LRP1B: variants seen among roughly 807,000 people sequenced by gnomAD.
LRP1B encodes LDL receptor related protein 1B, also known as low-density lipoprotein receptor-related protein 1B.
Under a neutral mutation model 556.6 loss-of-function variants are expected in LRP1B, and 217 were observed. That is an observed-to-expected ratio of 0.39 (90% CI 0.35 to 0.44). The LOEUF (loss-of-function observed/expected upper bound fraction) is 0.44, where lower values mean the gene tolerates loss of function less well. Among genes scored for constraint, LRP1B ranks in the 20% least tolerant of loss-of-function variants. The pLI is 1.00. For missense variants in LRP1B, 5,053 were observed against 5,620.8 expected, an observed-to-expected ratio of 0.90 and a Z score of 3.23; for synonymous variants, 2,047 against 1,865.8, an observed-to-expected ratio of 1.10 and a Z score of -2.50.
chr2:141,360,600 AC>A (rs1449659460), intron 3 of LRP1B, among the ~76,000 whole-genome samples: 1 of 152,194 alleles, frequency 6.6e-6, no homozygotes, highest in East Asian at 1.9e-4. Flanking sequence ...AGGTGGTGTA[AC>A]TGAACCACTG....
At chr2:141,923,090 C>T (rs1438547716) in intron 1 of LRP1B, among the ~76,000 whole-genome samples, 2 of 151,944 alleles carry the variant, frequency 1.3e-5, no homozygotes, top group African/African-American at 4.8e-5. Flanking sequence ...CAGAGTGAGA[C>T]ACTGTCTCAA....
chr2:142,010,494 G>A (rs1702924107), intron 1 of LRP1B, among the ~76,000 whole-genome samples: 1 of 141,068 alleles, frequency 7.1e-6, no homozygotes, highest in Non-Finnish European at 1.5e-5. Flanking sequence ...GGCGGAGCTT[G>A]CAGTGAGCCG....
At chr2:140,457,240 G>A (rs1042518221) in intron 61 of LRP1B, among the ~76,000 whole-genome samples, 1 of 152,114 alleles carries the variant, frequency 6.6e-6, no homozygotes, top group African/African-American at 2.4e-5. Context: ...CTTAATATGA[G>A]TTGAACAAAT....
intron 3 of LRP1B, among the ~76,000 whole-genome samples, chr2:141,257,586 A>G (rs78196581): frequency 0.015 from 2,294 of 152,282 alleles, 40 homozygotes; most frequent in African/African-American, 0.044. Flanking sequence ...GACCTCAAAC[A>G]TGGTTCTGAG....
At chr2:140,859,799 C>G (rs1692734392) in intron 27 of LRP1B, among the ~76,000 whole-genome samples, 1 of 151,928 alleles carries the variant, frequency 6.6e-6, no homozygotes, top group South Asian at 2.1e-4. Flanking sequence ...TCGAGACCAT[C>G]CTGGCTAACA....
At chr2:141,033,400 A>T (rs1310621370) in intron 11 of LRP1B, among the ~76,000 whole-genome samples, 2 of 152,040 alleles carry the variant, frequency 1.3e-5, no homozygotes, top group Non-Finnish European at 2.9e-5. Context: ...TTTAAAATTT[A>T]AAAAACTACT....
chr2:141,192,375 T>G (rs1043090876), intron 6 of LRP1B, among the ~76,000 whole-genome samples: 1 of 151,922 alleles, frequency 6.6e-6, no homozygotes, highest in African/African-American at 2.4e-5. Flanking sequence ...GAAAATGATT[T>G]GAACATTTTT....
intron 21 of LRP1B, among the ~76,000 whole-genome samples, chr2:140,920,421 G>A (rs1471263768): frequency 6.6e-6 from 1 of 151,922 alleles, no homozygotes; most frequent in Non-Finnish European, 1.5e-5. Context: ...AAATTAATTA[G>A]CCTGAAACTT....
intron 35 of LRP1B, among the ~76,000 whole-genome samples, chr2:140,760,468 A>G (rs886474527): frequency 6.6e-6 from 1 of 152,190 alleles, no homozygotes; most frequent in Non-Finnish European, 1.5e-5. Flanking sequence ...ACTAAGTCAA[A>G]TTATCAGTAC....
Position 141,846,169 on chromosome 2 carries a change from A to C in LRP1B, c.83-35768T>G, listed in dbSNP as rs1158575460. ...GACAGATTTCTGCAAACAAGGAAAA[A>C]AGATGAGTAGACTAAAAAATACAGA... is the stretch of plus-strand genomic sequence containing the variant. On this transcript the variant is annotated intron_variant, in intron 1 of 90. Coordinates refer to ENST00000389484, the MANE Select transcript of LRP1B (RefSeq NM_018557.3). Among the ~76,000 whole-genome samples the C allele has an allele frequency of 4.6e-5, 7 of 151,914 alleles. 1 individual carries two copies. The highest frequency in any genetic ancestry group is 1.7e-4 in the African/African-American group (7 of 41,530).
rs190437559 is a variant in LRP1B, at chr2:140,774,642, A to G, written c.5500+1456T>C. The stretch of plus-strand genomic sequence containing the variant: ...TCATATGTATGCGTTATTCACTGAG[A>G]TTTACAATAGTACTGTGAGTTTTTA... On this transcript the variant is annotated intron_variant, in intron 33 of 90. Coordinates refer to ENST00000389484, the MANE Select transcript of LRP1B (RefSeq NM_018557.3). Among the ~76,000 whole-genome samples the G allele has an allele frequency of 2.8e-3, 423 of 152,148 alleles. 11 individuals carry two copies. The highest frequency in any genetic ancestry group is 0.026 in the Admixed American group (402 of 15,286).
At chr2:140,596,630 A>C (rs1682452726) in intron 43 of LRP1B, among the ~76,000 whole-genome samples, 1 of 152,192 alleles carries the variant, frequency 6.6e-6, no homozygotes, top group Admixed American at 6.5e-5. Context: ...TGCTAATTGC[A>C]AGGCATGAGG....
intron 10 of LRP1B, among the ~76,000 whole-genome samples, chr2:141,050,225 T>G (rs1230911052): frequency 6.6e-6 from 1 of 151,920 alleles, no homozygotes; most frequent in Non-Finnish European, 1.5e-5. Flanking sequence ...TAAGCAATTA[T>G]TTATAAACCT....
intron 2 of LRP1B, among the ~76,000 whole-genome samples, chr2:141,785,236 T>C (rs562959608): frequency 6.6e-6 from 1 of 152,030 alleles, no homozygotes; most frequent in African/African-American, 2.4e-5. Context: ...GATGGCAATA[T>C]CATGAAACAG....
At chr2:140,768,510 G>A (rs547925938) in intron 35 of LRP1B, among the ~76,000 whole-genome samples, 2 of 152,032 alleles carry the variant, frequency 1.3e-5, no homozygotes, top group South Asian at 2.1e-4. Context: ...AAATCTAAAT[G>A]TTAATGTGAA....
intron 1 of LRP1B, among the ~76,000 whole-genome samples, chr2:141,977,051 C>T (rs1423927483): frequency 1.3e-5 from 2 of 151,920 alleles, no homozygotes; most frequent in Non-Finnish European, 1.5e-5. Flanking sequence ...ATGGAGTCTC[C>T]GAATGACTTG....
chr2:140,717,322 AG>A, intron 35 of LRP1B, among the ~76,000 whole-genome samples: 1 of 152,064 alleles, frequency 6.6e-6, no homozygotes, highest in Non-Finnish European at 1.5e-5. Context: ...TTTAAGCATA[AG>A]GCCACTCAGA....
chr2:141,186,418 G>A (rs1015936542), intron 7 of LRP1B, among the ~76,000 whole-genome samples: 1 of 151,976 alleles, frequency 6.6e-6, no homozygotes, highest in Non-Finnish European at 1.5e-5. Context: ...AAAATCTCCT[G>A]TTCCGTTCTT....
chr2:140,996,624 C>T (rs974320029), intron 15 of LRP1B, among the ~76,000 whole-genome samples: 7 of 151,994 alleles, frequency 4.6e-5, no homozygotes, highest in Non-Finnish European at 1.0e-4. Context: ...CTGGAATTAA[C>T]AGAGATTGGC....
Sources: allele counts gnomAD v4.1 joint callset (sites outside exome capture counted in the v4.1 genomes callset), GRCh38; gene constraint gnomAD v4.1.1; transcripts MANE v1.5; gene names NCBI Gene and HGNC (gene_info 2026-07-23, HGNC 2026-07-21).